The following CCDC71L variants were observed in gnomAD, a reference collection of about 807,000 sequenced individuals.
The protein encoded by CCDC71L is coiled-coil domain containing 71 like, also known as coiled-coil domain-containing protein 71L.
A neutral mutation model predicts 10.2 loss-of-function variants in CCDC71L; 6 were observed. The observed-to-expected ratio is 0.59, with a 90% CI of 0.32 to 1.16. CCDC71L has a LOEUF of 1.16. Ranked by LOEUF, CCDC71L falls within the 50% of genes most tolerant of loss-of-function variation. The probability of loss-of-function intolerance (pLI) is 0.05; values close to 1 mark genes in which losing one functional copy is unlikely to be tolerated. For synonymous variants in CCDC71L, 204 were observed against 175.5 expected (o/e 1.16, Z -1.28); for missense variants, 366 against 383.4 (o/e 0.95, Z 0.38).
Position 106,661,084 on chromosome 7 carries a change from CGGCCGGCGCCCACCCCTG to C in CCDC71L, c.-206_-189del. 2.5e-6 allele frequency: 2 copies of C among 802,368 alleles called. No homozygotes were observed. The highest frequency in any genetic ancestry group is 3.4e-6 in the Non-Finnish European group (2 of 579,910). The allele number at this position is 802,368 out of a possible 1,614,324, so 49.7% of individuals were successfully genotyped here. A position where few individuals can be genotyped will look rare whatever the true frequency, so the allele number is the denominator to read the frequency against. On this transcript the variant is annotated 5_prime_UTR_variant, in exon 1 of 1. Transcript: ENST00000523505. ...TATCCTGCTGCCCGGTACAAGATGG[CGGCCGGCGCCCACCCCTG>C]GGCTTTGTCATTGGACGGCGCCTCG...
chr7:106,655,214 G>C lies in CCDC71L; in HGVS notation c.*4975C>G, dbSNP rs889213153. On this transcript the variant is annotated 3_prime_UTR_variant, in exon 1 of 1. Transcript: ENST00000523505. ...AATCTGCAATTAGGCTCAATTTTTA[G>C]CTTCTTGTTCTTGTATGACTTTCAT... 1.3e-5 allele frequency among the ~76,000 whole-genome samples: 2 copies of C among 152,092 alleles called. No homozygotes were observed. Among genetic ancestry groups the C allele is most frequent in the Non-Finnish European group, 2.9e-5 (2 of 67,980 alleles).
In CCDC71L at chr7:106,656,016, A is replaced by G. The variant is rs1405588636; in HGVS notation, c.*4173T>C. 6.6e-6 allele frequency among the ~76,000 whole-genome samples: 1 copy of G among 152,120 alleles called. No individual in the cohort carries two copies. The highest frequency in any genetic ancestry group is 1.5e-5 in the Non-Finnish European group (1 of 67,994). ...TACTTCCTATGTGTCTAGCATTACT[A>G]CCCTTTGAAAGGGGTAGTTATTAAT... On this transcript the variant is annotated 3_prime_UTR_variant, in exon 1 of 1. Coordinates refer to ENST00000523505, the MANE Select transcript of CCDC71L (RefSeq NM_175884.6).
Position 106,661,059 on chromosome 7 carries a change from T to C in CCDC71L, c.-163A>G, listed in dbSNP as rs1792592358. ...TCCGAGGGCGGAGGACGCGGGCGAATATCCTGCTGCCCGGTACAAGATGGC... is the reference window on the plus strand; with the variant it reads ...TCCGAGGGCGGAGGACGCGGGCGAACATCCTGCTGCCCGGTACAAGATGGC... On this transcript the variant is annotated 5_prime_UTR_variant, in exon 1 of 1. The change creates a new upstream start codon in the 5' untranslated region. Transcript: ENST00000523505. 1 of 1,053,492 alleles carries C rather than the reference T, an allele frequency of 9.5e-7. No homozygotes were observed. Among genetic ancestry groups the C allele is most frequent in the Non-Finnish European group, 1.2e-6 (1 of 801,168 alleles). 65.3% of individuals were successfully genotyped at this position (1,053,492 alleles called of 1,614,324 possible).
chr7:106,654,847 C>G lies in CCDC71L; in HGVS notation c.*5342G>C, dbSNP rs1792465236. ...TTTTTACTCTGTAAGATTTAGAACC[C>G]TAAGCCACACTCTTTTTTTTTCTGT... On this transcript the variant is annotated 3_prime_UTR_variant, in exon 1 of 1. Coordinates refer to ENST00000523505, the MANE Select transcript of CCDC71L (RefSeq NM_175884.6). Among the ~76,000 whole-genome samples the G allele has an allele frequency of 1.3e-5, 2 of 151,652 alleles. No homozygotes were observed. The highest frequency in any genetic ancestry group is 4.2e-4 in the South Asian group (2 of 4,802).
Position 106,660,897 on chromosome 7 carries a change from C to A in CCDC71L, c.-1G>T, listed in dbSNP as rs2116106555. On this transcript the variant is annotated 5_prime_UTR_variant, in exon 1 of 1. Coordinates refer to ENST00000523505, the MANE Select transcript of CCDC71L (RefSeq NM_175884.6). This position sits in a 1 kb window ranked among gnomAD's most constrained non-coding sequence, Gnocchi z 7.5. Reference sequence around the variant, plus strand: ...GCCGCCTCTTCATACTGCGCCGCATCGAAGGCCGCTCCGGGCCACTCACGC... The same window carrying A: ...GCCGCCTCTTCATACTGCGCCGCATAGAAGGCCGCTCCGGGCCACTCACGC... 2.9e-6 allele frequency: 4 copies of A among 1,392,490 alleles called. No homozygotes were observed. Among genetic ancestry groups the A allele is most frequent in the Non-Finnish European group, 3.7e-6 (4 of 1,079,094 alleles). 86.3% of individuals were successfully genotyped at this position (1,392,490 alleles called of 1,614,324 possible).
In CCDC71L at chr7:106,658,939, C is replaced by T. The variant is rs1192560878; in HGVS notation, c.*1250G>A. On this transcript the variant is annotated 3_prime_UTR_variant, in exon 1 of 1. Coordinates refer to ENST00000523505, the MANE Select transcript of CCDC71L (RefSeq NM_175884.6). ...AATCAACTAAAAATCAACTAATTTT[C>T]ATTATGTTTGTAAAACTGATGAATA... 6.6e-6 allele frequency: 1 copy of T among 152,194 alleles called. No homozygotes were observed. Among genetic ancestry groups the T allele is most frequent in the African/African-American group, 2.4e-5 (1 of 41,426 alleles). 9.4% of individuals were successfully genotyped at this position (152,194 alleles called of 1,614,324 possible).
Position 106,657,990 on chromosome 7 carries a change from A to G in CCDC71L, c.*2199T>C, listed in dbSNP as rs1013953710. On this transcript the variant is annotated 3_prime_UTR_variant, in exon 1 of 1. Transcript: ENST00000523505. The stretch of plus-strand genomic sequence containing the variant: ...AAATTTCAAAATCCTCTGGAAAACT[A>G]TCTAGATAAGCTGTATGTCGAAATT... The G allele has an allele frequency of 1.3e-5, 2 of 152,228 alleles. No homozygotes were observed. Among genetic ancestry groups the G allele is most frequent in the African/African-American group, 4.8e-5 (2 of 41,458 alleles). The allele number at this position is 152,228 out of a possible 1,614,324, so 9.4% of individuals were successfully genotyped here. A position where few individuals can be genotyped will look rare whatever the true frequency, so the allele number is the denominator to read the frequency against.
chr7:106,660,918 C>G lies in CCDC71L; in HGVS notation c.-22G>C. 7.4e-7 allele frequency: 1 copy of G among 1,349,986 alleles called. No homozygotes were observed. Among genetic ancestry groups the G allele is most frequent in the Non-Finnish European group, 9.5e-7 (1 of 1,054,406 alleles). The allele number at this position is 1,349,986 out of a possible 1,614,324, so 83.6% of individuals were successfully genotyped here. A position where few individuals can be genotyped will look rare whatever the true frequency, so the allele number is the denominator to read the frequency against. On this transcript the variant is annotated 5_prime_UTR_variant, in exon 1 of 1. Coordinates refer to ENST00000523505, the MANE Select transcript of CCDC71L (RefSeq NM_175884.6). This position sits in a 1 kb window ranked among gnomAD's most constrained non-coding sequence, Gnocchi z 7.5. ...GCATCGAAGGCCGCTCCGGGCCACT[C>G]ACGCTCGCCGGGTCCCACTACTGCC...
At position 106,657,698 on chromosome 7, in the gene CCDC71L, A is replaced by AT. The variant is rs1792513588; in HGVS notation, c.*2490dup. 6.6e-6 allele frequency: 1 copy of AT among 152,184 alleles called. No individual in the cohort carries two copies. The highest frequency in any genetic ancestry group is 1.5e-5 in the Non-Finnish European group (1 of 68,036). 9.4% of individuals were successfully genotyped at this position (152,184 alleles called of 1,614,324 possible). A position where few individuals can be genotyped will look rare whatever the true frequency, so the allele number is the denominator to read the frequency against. On this transcript the variant is annotated 3_prime_UTR_variant, in exon 1 of 1. Transcript: ENST00000523505. ...TTTTTACCAAAGGGCAAAAATAAAG[A>AT]TTTTTTACATCTTATTTCACAGACT... is the stretch of plus-strand genomic sequence containing the variant.
rs1406026142 is a variant in CCDC71L at position 106,655,801 on chromosome 7, T to C, written c.*4388A>G. ...ATAGTCAGCAAGCTAAAAAATTATATGATTTCCTTATGTCTTCAATTTTAT... is the reference window on the plus strand; with the variant it reads ...ATAGTCAGCAAGCTAAAAAATTATACGATTTCCTTATGTCTTCAATTTTAT... On this transcript the variant is annotated 3_prime_UTR_variant, in exon 1 of 1. Coordinates refer to ENST00000523505, the MANE Select transcript of CCDC71L (RefSeq NM_175884.6). Among the ~76,000 whole-genome samples the C allele has an allele frequency of 6.6e-6, 1 of 152,194 alleles. No homozygotes were observed. Among genetic ancestry groups the C allele is most frequent in the African/African-American group, 2.4e-5 (1 of 41,456 alleles).
rs1477952146 is a variant in CCDC71L at position 106,654,585 on chromosome 7, T to C, written c.*5604A>G. On this transcript the variant is annotated 3_prime_UTR_variant, in exon 1 of 1. Coordinates refer to ENST00000523505, the MANE Select transcript of CCDC71L (RefSeq NM_175884.6). ...TAGACACATGACCAATAATTCCATT[T>C]ATGTAAAGTTCAAAAATAAGCAAAA... is the stretch of plus-strand genomic sequence containing the variant. Among the ~76,000 whole-genome samples the C allele has an allele frequency of 6.6e-6, 1 of 152,138 alleles. No individual in the cohort carries two copies. Among genetic ancestry groups the C allele is most frequent in the Non-Finnish European group, 1.5e-5 (1 of 67,996 alleles).
Position 106,659,999 on chromosome 7 carries a change from A to T in CCDC71L, c.*190T>A. 1 of 770,660 alleles carries T rather than the reference A, an allele frequency of 1.3e-6. No individual in the cohort carries two copies. Among genetic ancestry groups the T allele is most frequent in the Non-Finnish European group, 1.9e-6 (1 of 524,484 alleles). 47.7% of individuals were successfully genotyped at this position (770,660 alleles called of 1,614,324 possible). On this transcript the variant is annotated 3_prime_UTR_variant, in exon 1 of 1. Coordinates refer to ENST00000523505, the MANE Select transcript of CCDC71L (RefSeq NM_175884.6). The stretch of plus-strand genomic sequence containing the variant: ...AGGCAGCAGAGGGCACACCTGCCCC[A>T]GCGTCCAAGACGACCGCGCCGCGGC...
chr7:106,660,645 G>A lies in CCDC71L; in HGVS notation c.252C>T (p.Leu84=), dbSNP rs777562456. ...DAELWSFLCS[L]KHQFSPHILR... ...GGATGTGCGGGGAGAACTGGTGCTT[G>A]AGGCTGCAGAGGAAGCTCCAGAGCT... The change falls in exon 1 of 1, where the codon CTC becomes CTT. Residue 84 remains leucine, a synonymous_variant. Transcript: ENST00000523505. The surrounding 1 kb of genome is among the most constrained non-coding windows in gnomAD (Gnocchi z 7.5). 6 of 1,589,092 alleles carry A rather than the reference G, an allele frequency of 3.8e-6. No homozygotes were observed. The highest frequency in any genetic ancestry group is 2.3e-5 in the East Asian group (1 of 43,462).
chr7:106,655,798 A>T lies in CCDC71L; in HGVS notation c.*4391T>A, dbSNP rs1008414950. 1.3e-5 allele frequency among the ~76,000 whole-genome samples: 2 copies of T among 152,182 alleles called. No homozygotes were observed. Among genetic ancestry groups the T allele is most frequent in the African/African-American group, 4.8e-5 (2 of 41,440 alleles). On this transcript the variant is annotated 3_prime_UTR_variant, in exon 1 of 1. Transcript: ENST00000523505. ...TGCATAGTCAGCAAGCTAAAAAATT[A>T]TATGATTTCCTTATGTCTTCAATTT... is the stretch of plus-strand genomic sequence containing the variant.
In CCDC71L at chr7:106,660,973, G is replaced by A; in HGVS notation, c.-77C>T. 2 of 1,294,340 alleles carry A rather than the reference G, an allele frequency of 1.5e-6. No homozygotes were observed. Among genetic ancestry groups the A allele is most frequent in the Non-Finnish European group, 2.0e-6 (2 of 1,023,364 alleles). The allele number at this position is 1,294,340 out of a possible 1,614,324, so 80.2% of individuals were successfully genotyped here. ...CCGTCCCAGTCCGCGTTGGCTCCGC[G>A]GCGGCGGCTGCTGCTGGCGTCTCTC... On this transcript the variant is annotated 5_prime_UTR_variant, in exon 1 of 1. Transcript: ENST00000523505. The surrounding 1 kb of genome is among the most constrained non-coding windows in gnomAD (Gnocchi z 7.5).
Position 106,655,318 on chromosome 7 carries a change from T to C in CCDC71L, c.*4871A>G, listed in dbSNP as rs553613680. On this transcript the variant is annotated 3_prime_UTR_variant, in exon 1 of 1. Transcript: ENST00000523505. ...GGCTTGTTCACCAATTTAGAGGATG[T>C]TCTATTCTCTGTGCTATGAGGAATT... 6.6e-6 allele frequency among the ~76,000 whole-genome samples: 1 copy of C among 152,322 alleles called. No individual in the cohort carries two copies. The highest frequency in any genetic ancestry group is 2.4e-5 in the African/African-American group (1 of 41,584).
chr7:106,660,665 A>C lies in CCDC71L; in HGVS notation c.232T>G (p.Trp78Gly). Reference protein sequence around the residue: ...TEFMSSDAELWSFLCSLKHQF... With the variant: ...TEFMSSDAELGSFLCSLKHQF... Reference sequence around the variant, plus strand: ...TGCTTGAGGCTGCAGAGGAAGCTCCAGAGCTCCGCGTCCGAGCTCATGAAC... The same window carrying C: ...TGCTTGAGGCTGCAGAGGAAGCTCCCGAGCTCCGCGTCCGAGCTCATGAAC... The change falls in exon 1 of 1, where the codon TGG becomes GGG. Residue 78 changes from tryptophan (W) to glycine (G), a missense_variant. Coordinates refer to ENST00000523505, the MANE Select transcript of CCDC71L (RefSeq NM_175884.6). The surrounding 1 kb of genome is among the most constrained non-coding windows in gnomAD (Gnocchi z 7.5). 6.3e-7 allele frequency: 1 copy of C among 1,588,042 alleles called. No individual in the cohort carries two copies. The highest frequency in any genetic ancestry group is 8.6e-7 in the Non-Finnish European group (1 of 1,167,354).
In CCDC71L at chr7:106,659,986, G is replaced by T; in HGVS notation, c.*203C>A. 1 of 686,078 alleles carries T rather than the reference G, an allele frequency of 1.5e-6. No homozygotes were observed. Among genetic ancestry groups the T allele is most frequent in the Non-Finnish European group, 2.2e-6 (1 of 447,170 alleles). The allele number at this position is 686,078 out of a possible 1,614,324, so 42.5% of individuals were successfully genotyped here. On this transcript the variant is annotated 3_prime_UTR_variant, in exon 1 of 1. Coordinates refer to ENST00000523505, the MANE Select transcript of CCDC71L (RefSeq NM_175884.6). ...GGCCGGGTACGGGAGGCAGCAGAGG[G>T]CACACCTGCCCCAGCGTCCAAGACG...
rs1478756312 is a variant in CCDC71L at position 106,660,979 on chromosome 7, G to A, written c.-83C>T. 4 of 1,294,286 alleles carry A rather than the reference G, an allele frequency of 3.1e-6. No individual in the cohort carries two copies. Among genetic ancestry groups the A allele is most frequent in the African/African-American group, 1.6e-5 (1 of 64,336 alleles). 80.2% of individuals were successfully genotyped at this position (1,294,286 alleles called of 1,614,324 possible). On this transcript the variant is annotated 5_prime_UTR_variant, in exon 1 of 1. Coordinates refer to ENST00000523505, the MANE Select transcript of CCDC71L (RefSeq NM_175884.6). This position sits in a 1 kb window ranked among gnomAD's most constrained non-coding sequence, Gnocchi z 7.5. ...CAGTCCGCGTTGGCTCCGCGGCGGC[G>A]GCTGCTGCTGGCGTCTCTCGCTACT... is the stretch of plus-strand genomic sequence containing the variant.
Sources: allele counts gnomAD v4.1 joint callset (sites outside exome capture counted in the v4.1 genomes callset), GRCh38; gene constraint gnomAD v4.1.1; non-coding constraint Gnocchi (gnomAD v3.1); transcripts MANE v1.5; gene names NCBI Gene and HGNC (gene_info 2026-07-23, HGNC 2026-07-21).